RPIA: variants seen among roughly 807,000 people sequenced by gnomAD.
The protein encoded by RPIA is ribose 5-phosphate isomerase A.
RPIA carries 29 observed loss-of-function variants against 37.8 expected under a neutral mutation model. The observed-to-expected ratio is 0.77, with a 90% confidence interval of 0.57 to 1.05. The LOEUF (loss-of-function observed/expected upper bound fraction) is 1.05, where lower values mean the gene tolerates loss of function less well. Among genes scored for constraint, RPIA ranks in the 50% least tolerant of loss-of-function variants. The probability of loss-of-function intolerance (pLI) is 0.00; values close to 1 mark genes in which losing one functional copy is unlikely to be tolerated. For synonymous variants in RPIA, 167 were observed against 157.0 expected (o/e 1.06, Z -0.48); for missense variants, 385 against 413.6 (o/e 0.93, Z 0.60).
At chr2:88,745,216 G>A (rs1321204643) in intron 8 of RPIA, among the ~76,000 whole-genome samples, 3 of 152,100 alleles carry the variant, frequency 2.0e-5, no homozygotes, top group Admixed American at 6.5e-5. Flanking sequence ...TGCCTTGGCC[G>A]CCCACCAAGC....
chr2:88,702,237 A>G (rs571103827), intron 3 of RPIA, among the ~76,000 whole-genome samples: 10 of 152,334 alleles, frequency 6.6e-5, no homozygotes, highest in African/African-American at 2.2e-4. Flanking sequence ...ATTGTACCAA[A>G]TGGCAGTATA....
intron 3 of RPIA, among the ~76,000 whole-genome samples, chr2:88,706,872 T>TA (rs1156881370): frequency 2.6e-5 from 4 of 152,188 alleles, no homozygotes; most frequent in Non-Finnish European, 2.9e-5. Flanking sequence ...GGGTATTACT[T>TA]AAAAAAATCT....
At chr2:88,749,290 A>G (rs942959930) in intron 8 of RPIA, among the ~76,000 whole-genome samples, 15 of 152,272 alleles carry the variant, frequency 9.9e-5, no homozygotes, top group African/African-American at 3.1e-4. Flanking sequence ...ATTTCATTAC[A>G]CTGACTTCAG....
chr2:88,707,527 AC>A (rs1672912447), intron 3 of RPIA, among the ~76,000 whole-genome samples: 1 of 152,134 alleles, frequency 6.6e-6, no homozygotes, highest in Non-Finnish European at 1.5e-5. Context: ...AGCAGCAGTT[AC>A]CCCTAGATAC....
chr2:88,727,096 T>TGTGTGC (rs1553421576), intron 3 of RPIA, among the ~76,000 whole-genome samples: 2 of 150,898 alleles, frequency 1.3e-5, no homozygotes, highest in Non-Finnish European at 2.9e-5. Context: ...TGTGTGTGTG[T>TGTGTGC]GCGCGCGCAT....
intron 8 of RPIA, among the ~76,000 whole-genome samples, chr2:88,747,775 A>C (rs973054645): frequency 3.3e-5 from 5 of 152,228 alleles, no homozygotes; most frequent in African/African-American, 9.6e-5. Context: ...GTTCAGAGGC[A>C]GACTTTTCCC....
chr2:88,720,493 T>A (rs1036317462), intron 3 of RPIA, among the ~76,000 whole-genome samples: 2 of 151,938 alleles, frequency 1.3e-5, no homozygotes, highest in African/African-American at 4.8e-5. Context: ...GAGAACATTA[T>A]TACTTTGCTC....
At chr2:88,697,972 C>T (rs1420197912) in intron 1 of RPIA, among the ~76,000 whole-genome samples, 1 of 152,142 alleles carries the variant, frequency 6.6e-6, no homozygotes, top group Non-Finnish European at 1.5e-5. Context: ...TAGCTTTCCT[C>T]CCTTACCCAG....
chr2:88,736,498 T>C (rs1490049295), intron 6 of RPIA, 37 bp from the exon 7 acceptor site: 3 of 1,613,392 alleles, frequency 1.9e-6, no homozygotes, highest in Admixed American at 1.7e-5. Flanking sequence ...GTTGAGCTTA[T>C]TTACTTTTAT....
At chr2:88,736,513 C>G (rs746009792) in intron 6 of RPIA, 22 bp from the exon 7 acceptor site, 6 of 1,614,014 alleles carry the variant, frequency 3.7e-6, no homozygotes, top group Non-Finnish European at 5.1e-6. Flanking sequence ...TTTTATTGTA[C>G]TTTCTGACTC....
At chr2:88,733,267 A>G (rs1055629838) in intron 4 of RPIA, among the ~76,000 whole-genome samples, 3 of 152,300 alleles carry the variant, frequency 2.0e-5, no homozygotes, top group Admixed American at 2.0e-4. Context: ...GCGTTGGTGC[A>G]TAGTGGGGAG....
At chr2:88,715,120 A>G (rs1430989178) in intron 3 of RPIA, among the ~76,000 whole-genome samples, 1 of 152,260 alleles carries the variant, frequency 6.6e-6, no homozygotes, top group African/African-American at 2.4e-5. Flanking sequence ...GTTTAACCAT[A>G]GGGCCACCAA....
intron 3 of RPIA, among the ~76,000 whole-genome samples, chr2:88,722,552 C>T (rs901735929): frequency 3.3e-5 from 5 of 152,196 alleles, no homozygotes; most frequent in Non-Finnish European, 7.3e-5. Flanking sequence ...CTAACCTTTA[C>T]GGTGTCCTTG....
Position 88,750,212 on chromosome 2 carries a change from AG to A in RPIA, c.*139del. ...GGTGGGGGGTGGGGGGAAGAGTGGG[AG>A]GGGGAGTTAAATCCAGTCTTATGAA... On this transcript the variant is annotated 3_prime_UTR_variant, in exon 9 of 9. Transcript: ENST00000283646. The A allele has an allele frequency of 1.6e-6, 1 of 632,628 alleles. No homozygotes were observed. The highest frequency in any genetic ancestry group is 3.1e-5 in the East Asian group (1 of 32,118). The allele number at this position is 632,628 out of a possible 1,614,324, so 39.2% of individuals were successfully genotyped here.
intron 3 of RPIA, among the ~76,000 whole-genome samples, chr2:88,723,459 A>G (rs1673158831): frequency 6.6e-6 from 1 of 152,212 alleles, no homozygotes; most frequent in African/African-American, 2.4e-5. Context: ...TCCAAAAAAC[A>G]AAAAGGTGGG....
intron 1 of RPIA, among the ~76,000 whole-genome samples, chr2:88,693,469 T>A (rs1265372687): frequency 6.6e-6 from 1 of 152,190 alleles, no homozygotes; most frequent in Non-Finnish European, 1.5e-5. Flanking sequence ...TCCTTTCAGT[T>A]TTTCCTTAGC....
At chr2:88,735,783 A>T in intron 6 of RPIA, 46 bp downstream of exon 6, 2 of 1,577,500 alleles carry the variant, frequency 1.3e-6, no homozygotes, top group Non-Finnish European at 1.7e-6. Flanking sequence ...GGTAGATTGG[A>T]TCCCCAAGCC....
chr2:88,718,965 C>G (rs973824963), intron 3 of RPIA, among the ~76,000 whole-genome samples: 1 of 152,172 alleles, frequency 6.6e-6, no homozygotes, highest in Non-Finnish European at 1.5e-5. Flanking sequence ...TTACTTCAGA[C>G]TTCTATTAGT....
At chr2:88,746,048 C>CT (rs1673434113) in intron 8 of RPIA, among the ~76,000 whole-genome samples, 1 of 151,998 alleles carries the variant, frequency 6.6e-6, no homozygotes, top group Admixed American at 6.5e-5. Context: ...CTCTGAAGTT[C>CT]TTTTTTTCTA....
Sources: gnomAD v4.1 joint callset for allele counts (sites outside exome capture counted in the v4.1 genomes callset) on GRCh38, gnomAD v4.1.1 for gene constraint, MANE v1.5 for transcripts, NCBI Gene and HGNC (gene_info 2026-07-23, HGNC 2026-07-21) for gene names.